FRMD5: variants seen among roughly 807,000 people sequenced by gnomAD.
FRMD5 encodes FERM domain containing 5.
Under a neutral mutation model 69.0 loss-of-function variants are expected in FRMD5, and 20 were observed. The observed-to-expected ratio is 0.29, with a 90% CI of 0.20 to 0.42. The LOEUF is 0.42. FRMD5 is among the 10% of genes least tolerant of loss of function. The pLI is 1.00. For missense variants in FRMD5, 595 were observed against 708.6 expected (o/e 0.84, Z 1.82); for synonymous variants, 271 against 260.1 (o/e 1.04, Z -0.40).
intron 1 of FRMD5, among the ~76,000 whole-genome samples, chr15:43,983,185 C>T (rs1306833275): frequency 6.6e-6 from 1 of 152,184 alleles, no homozygotes; most frequent in Non-Finnish European, 1.5e-5. Flanking sequence ...CCAGCCTCAG[C>T]CTCCCAAAGT....
chr15:44,144,935 G>GTTT (rs1187576454), intron 1 of FRMD5, among the ~76,000 whole-genome samples: 1 of 152,176 alleles, frequency 6.6e-6, no homozygotes, highest in Non-Finnish European at 1.5e-5. Flanking sequence ...GGAGAAGAAA[G>GTTT]GGTCCTGACT....
At chr15:44,051,417 C>T (rs1892661999) in intron 1 of FRMD5, among the ~76,000 whole-genome samples, 1 of 150,348 alleles carries the variant, frequency 6.7e-6, no homozygotes, top group East Asian at 2.0e-4. Context: ...CAAAAATTAG[C>T]CCAGTTTTAA....
intron 1 of FRMD5, among the ~76,000 whole-genome samples, chr15:44,038,625 G>A (rs562620414): frequency 8.4e-5 from 12 of 142,538 alleles, no homozygotes; most frequent in South Asian, 6.8e-4. Flanking sequence ...CAGAAAACAG[G>A]TGATTTCTGC....
intron 1 of FRMD5, among the ~76,000 whole-genome samples, chr15:44,024,585 C>G (rs576430144): frequency 6.6e-6 from 1 of 152,030 alleles, no homozygotes; most frequent in South Asian, 2.1e-4. Flanking sequence ...ACAGGTTACC[C>G]TTAAGTAAAC....
chr15:44,002,107 T>G (rs1890239756), intron 1 of FRMD5, among the ~76,000 whole-genome samples: 1 of 152,180 alleles, frequency 6.6e-6, no homozygotes, highest in East Asian at 1.9e-4. Context: ...TTGAGCACTT[T>G]TCAACTTTCT....
intron 1 of FRMD5, among the ~76,000 whole-genome samples, chr15:44,123,282 T>G (rs1207613706): frequency 6.6e-6 from 1 of 151,908 alleles, no homozygotes; most frequent in Non-Finnish European, 1.5e-5. Flanking sequence ...GAGGCACAGG[T>G]TGCGGTGAGC....
chr15:44,108,416 A>C (rs2076749772), intron 1 of FRMD5, among the ~76,000 whole-genome samples: 1 of 152,274 alleles, frequency 6.6e-6, no homozygotes, highest in Admixed American at 6.5e-5. Context: ...AGGCCAAGGC[A>C]GGCGGATCAC....
intron 1 of FRMD5, among the ~76,000 whole-genome samples, chr15:43,971,818 T>C (rs1356613142): frequency 1.3e-5 from 2 of 149,816 alleles, no homozygotes; most frequent in African/African-American, 4.9e-5. Context: ...GCGATTCTCC[T>C]GCCTCAGCCT....
At position 43,925,602 on chromosome 15, in the gene FRMD5, C is replaced by T. The variant is rs530455431; in HGVS notation, c.103-1293G>A. On this transcript the variant is annotated intron_variant, in intron 1 of 13. Coordinates refer to ENST00000417257, the MANE Select transcript of FRMD5 (RefSeq NM_032892.5). ...ACAATGATCTTTATGTTACTCACTTCTCTTAATTCTTGTTGCTCTCAGAAT... is the reference window on the plus strand; with the variant it reads ...ACAATGATCTTTATGTTACTCACTTTTCTTAATTCTTGTTGCTCTCAGAAT... 6.6e-5 allele frequency among the ~76,000 whole-genome samples: 10 copies of T among 152,360 alleles called. No individual in the cohort carries two copies. The East Asian group carries it at 1.9e-3, about 29-fold the overall frequency.
At chr15:44,147,710 G>C (rs1285700644) in intron 1 of FRMD5, among the ~76,000 whole-genome samples, 1 of 152,142 alleles carries the variant, frequency 6.6e-6, no homozygotes, top group African/African-American at 2.4e-5. Flanking sequence ...AAATCTGTCT[G>C]ATGTAACTAT....
chr15:44,131,877 C>T (rs1206668500), intron 1 of FRMD5, among the ~76,000 whole-genome samples: 1 of 152,168 alleles, frequency 6.6e-6, no homozygotes, highest in Non-Finnish European at 1.5e-5. Flanking sequence ...AATTTTTCCA[C>T]AGGTGGGCGG....
chr15:44,059,754 A>G (rs1206260436), intron 1 of FRMD5, among the ~76,000 whole-genome samples: 1 of 151,984 alleles, frequency 6.6e-6, no homozygotes, highest in African/African-American at 2.4e-5. Flanking sequence ...TGACCTCGTG[A>G]TCCACCTGCC....
chr15:44,080,781 T>C (rs1293030022), intron 1 of FRMD5, among the ~76,000 whole-genome samples: 1 of 152,114 alleles, frequency 6.6e-6, no homozygotes, highest in African/African-American at 2.4e-5. Flanking sequence ...TTTTAAAAAT[T>C]GAACTGAATT....
chr15:44,034,007 G>A (rs1891801421), intron 1 of FRMD5, among the ~76,000 whole-genome samples: 1 of 152,160 alleles, frequency 6.6e-6, no homozygotes, highest in Non-Finnish European at 1.5e-5. Context: ...AAACACAATA[G>A]GCCACAGACA....
intron 1 of FRMD5, among the ~76,000 whole-genome samples, chr15:44,003,849 C>A (rs537099934): frequency 6.6e-6 from 1 of 152,172 alleles, no homozygotes; most frequent in Admixed American, 6.5e-5. Context: ...GTTTATTATT[C>A]ATTGCTTATT....
At chr15:43,987,955 C>G (rs1242162440) in intron 1 of FRMD5, among the ~76,000 whole-genome samples, 2 of 152,142 alleles carry the variant, frequency 1.3e-5, no homozygotes, top group African/African-American at 4.8e-5. Context: ...ATAGTCCCAT[C>G]TGGGGGTCAT....
chr15:44,195,259 A>C lies in FRMD5; in HGVS notation c.-205T>G. 1 of 516,606 alleles carries C rather than the reference A, an allele frequency of 1.9e-6. No homozygotes were observed. The highest frequency in any genetic ancestry group is 3.4e-6 in the Non-Finnish European group (1 of 294,364). The allele number at this position is 516,606 out of a possible 1,614,324, so 32.0% of individuals were successfully genotyped here. A position where few individuals can be genotyped will look rare whatever the true frequency, so the allele number is the denominator to read the frequency against. On this transcript the variant is annotated 5_prime_UTR_variant, in exon 1 of 14. Coordinates refer to ENST00000417257, the MANE Select transcript of FRMD5 (RefSeq NM_032892.5). ...CACCGCCTCCCCCCAGCCCAGATCA[A>C]GCGCCGGGCTCTGTCTCCTCGGCGC...
Position 43,873,894 on chromosome 15 carries a change from A to G in FRMD5, c.1704T>C (p.Ile568=), listed in dbSNP as rs1263028662. ...CKIRSVVSLL[I]DT is the part of the protein sequence containing the mutation. ...GAGGAGTCATGCCTTCTCAGGTGTCAATGAGCAGGCTCACCACTGAGCGGA... is the reference window on the plus strand; with the variant it reads ...GAGGAGTCATGCCTTCTCAGGTGTCGATGAGCAGGCTCACCACTGAGCGGA... The change falls in exon 14 of 14, where the codon ATT becomes ATC. Residue 568 remains isoleucine (I), a synonymous_variant. Coordinates refer to ENST00000417257, the MANE Select transcript of FRMD5 (RefSeq NM_032892.5). 6.2e-7 allele frequency: 1 copy of G among 1,613,804 alleles called. No individual in the cohort carries two copies. The highest frequency in any genetic ancestry group is 1.7e-5 in the Admixed American group (1 of 60,012).
intron 1 of FRMD5, among the ~76,000 whole-genome samples, chr15:43,942,461 G>T (rs548262805): frequency 6.6e-6 from 1 of 152,118 alleles, no homozygotes. Flanking sequence ...TCCAAACTTA[G>T]GTCTGCTTAA....
Sources: allele counts gnomAD v4.1 joint callset (sites outside exome capture counted in the v4.1 genomes callset), GRCh38; gene constraint gnomAD v4.1.1; transcripts MANE v1.5; gene names NCBI Gene and HGNC (gene_info 2026-07-23, HGNC 2026-07-21).